The following HSBP1L1 variants were observed in gnomAD, a reference collection of about 807,000 sequenced individuals.
HSBP1L1 encodes the protein heat shock factor-binding protein 1-like protein 1.
A neutral mutation model predicts 9.7 loss-of-function variants in HSBP1L1; 8 were observed. The ratio of observed to expected loss-of-function variants is 0.82; its 90% CI spans 0.48 to 1.48. HSBP1L1 has a LOEUF of 1.48. Among genes scored for constraint, HSBP1L1 ranks in the 40% most tolerant of loss-of-function variants. HSBP1L1 has a pLI of 0.00. For synonymous variants in HSBP1L1, 39 were observed against 34.4 expected (o/e 1.13, Z -0.46); for missense variants, 106 against 95.8 (o/e 1.11, Z -0.44).
At chr18:79,969,076 C>A in intron 3 of HSBP1L1, among the ~76,000 whole-genome samples, 1 of 149,294 alleles carries the variant, frequency 6.7e-6, no homozygotes, top group Non-Finnish European at 1.5e-5. Context: ...GTGGTCCCAG[C>A]TACTTGGGAG....
chr18:79,967,088 C>CAGT (rs2051261429), intron 2 of HSBP1L1: 1 of 148,584 alleles, frequency 6.7e-6, no homozygotes, highest in Non-Finnish European at 1.5e-5. Context: ...GTGGAGCTTG[C>CAGT]AGTGAGCCGA....
At chr18:79,966,511 C>A in intron 1 of HSBP1L1, 101 bp from the exon 2 acceptor site, 1 of 822,588 alleles carries the variant, frequency 1.2e-6, no homozygotes, top group Non-Finnish European at 2.0e-6. Flanking sequence ...CCATTGCACT[C>A]CAGCCTGGGC....
chr18:79,965,366 A>G lies in HSBP1L1; in HGVS notation c.51+580A>G, dbSNP rs57333397. On this transcript the variant is annotated intron_variant, in intron 1 of 3. Coordinates refer to ENST00000451882, the MANE Select transcript of HSBP1L1 (RefSeq NM_001136180.2). ...CTAACGTAAATTTCCTGACAAAGGT[A>G]GAAAGCCCTGGCATGGTTCAGAGGT... Among the ~76,000 whole-genome samples, 1,077 of 152,280 alleles carry G rather than the reference A, an allele frequency of 7.1e-3. 14 individuals carry two copies. Among genetic ancestry groups the G allele is most frequent in the African/African-American group, 0.025 (1,023 of 41,550 alleles).
chr18:79,967,879 ACGTTTTCTAAGCTC>A (rs2051265471), intron 2 of HSBP1L1, 196 bp from the exon 3 acceptor site: 2 of 439,230 alleles, frequency 4.6e-6, no homozygotes, highest in Non-Finnish European at 8.0e-6. Flanking sequence ...AAGGGGAGCC[ACGTTTTCTAAGCTC>A]ACAGTTTAAA....
At chr18:79,966,790 C>A in intron 2 of HSBP1L1, 112 bp downstream of exon 2, 1 of 795,400 alleles carries the variant, frequency 1.3e-6, no homozygotes, top group Non-Finnish European at 2.1e-6. Flanking sequence ...TAGGATTTCC[C>A]AGTATTTACT....
At position 79,966,644 on chromosome 18, in the gene HSBP1L1, T is replaced by C; in HGVS notation, c.84T>C (p.His28=). 1 of 1,550,810 alleles carries C rather than the reference T, an allele frequency of 6.4e-7. No homozygotes were observed. The highest frequency in any genetic ancestry group is 1.2e-5 in the South Asian group (1 of 83,962). The change falls in exon 2 of 4, where the codon CAT becomes CAC. Residue 28 remains histidine, a synonymous_variant. Coordinates refer to ENST00000451882, the MANE Select transcript of HSBP1L1 (RefSeq NM_001136180.2). ...AENLFQELQE[H]FQALTATLNL... Reference sequence around the variant, plus strand: ...ATCTATTTCAGGAACTTCAGGAACATTTTCAAGCTCTGACGGCAACATTAA... The same window carrying C: ...ATCTATTTCAGGAACTTCAGGAACACTTTCAAGCTCTGACGGCAACATTAA...
In HSBP1L1 at chr18:79,968,151, G is replaced by T; in HGVS notation, c.181G>T (p.Ala61Ser). The change falls in exon 3 of 4, where the codon GCT becomes TCT. Residue 61 changes from alanine (A) to serine (S), a missense_variant. Physicochemically the swap from Ala to Ser is moderately conservative, Grantham distance 99 (BLOSUM62 1). Coordinates refer to ENST00000451882, the MANE Select transcript of HSBP1L1 (RefSeq NM_001136180.2). ...GAATGTCAAGGACTTAATGGTGCAA[G>T]CTGGCATTGAAAATTCTATTAAAGA... ...QKNVKDLMVQ[A>S]GIENSIKEQM... 6 of 1,547,774 alleles carry T rather than the reference G, an allele frequency of 3.9e-6. No individual in the cohort carries two copies. Among genetic ancestry groups the T allele is most frequent in the Non-Finnish European group, 5.2e-6 (6 of 1,144,482 alleles).
chr18:79,965,559 G>A (rs931999417), intron 1 of HSBP1L1, among the ~76,000 whole-genome samples: 1 of 152,196 alleles, frequency 6.6e-6, no homozygotes, highest in Non-Finnish European at 1.5e-5. Context: ...CGTGAATGGT[G>A]TGGGACGTCA....
Position 79,969,271 on chromosome 18 carries a change from G to A in HSBP1L1, c.213+1088G>A, listed in dbSNP as rs1373907963. On this transcript the variant is annotated intron_variant, in intron 3 of 3. Transcript: ENST00000451882. ...AGAGGAGAGAGAGAGAGGGAGGGAGGGAGGGAGGGAGGGAGGGAGGGAGGG... is the reference window on the plus strand; with the variant it reads ...AGAGGAGAGAGAGAGAGGGAGGGAGAGAGGGAGGGAGGGAGGGAGGGAGGG... Among the ~76,000 whole-genome samples the A allele has an allele frequency of 1.1e-3, 25 of 22,994 alleles. 2 individuals are homozygous for A. Among genetic ancestry groups the A allele is most frequent in the African/African-American group, 2.7e-3 (21 of 7,840 alleles). The allele number at this position is 22,994 out of a possible 152,430, so 15.1% of individuals were successfully genotyped here.
chr18:79,969,384 AAAGAAAG>A lies in HSBP1L1; in HGVS notation c.214-1053_214-1047del, dbSNP rs1300006929. 2.6e-3 allele frequency among the ~76,000 whole-genome samples: 151 copies of A among 59,214 alleles called. 6 individuals carry two copies. Among genetic ancestry groups the A allele is most frequent in the African/African-American group, 6.0e-3 (127 of 21,302 alleles). The allele number at this position is 59,214 out of a possible 152,430, so 38.8% of individuals were successfully genotyped here. A position where few individuals can be genotyped will look rare whatever the true frequency, so the allele number is the denominator to read the frequency against. On this transcript the variant is annotated intron_variant, in intron 3 of 3. Transcript: ENST00000451882. ...GAAAGAAAGAAAGAAAGAAAGAAAGAAAGAAAGAAAAAAAAACGATGCAGAATAGCGC... is the reference window on the plus strand; with the variant it reads ...GAAAGAAAGAAAGAAAGAAAGAAAGAAAAAAAAAACGATGCAGAATAGCGC...
intron 1 of HSBP1L1, 107 bp from the exon 2 acceptor site, chr18:79,966,505 T>G: frequency 1.3e-6 from 1 of 740,788 alleles, no homozygotes. Context: ...ATCGCGCCAT[T>G]GCACTCCAGC....
At position 79,969,040 on chromosome 18, in the gene HSBP1L1, AT is replaced by A. The variant is rs1204666369; in HGVS notation, c.213+858del. 2.8e-3 allele frequency among the ~76,000 whole-genome samples: 397 copies of A among 143,906 alleles called. 2 individuals carry two copies. The highest frequency in any genetic ancestry group is 9.7e-3 in the African/African-American group (376 of 38,822). 94.4% of individuals were successfully genotyped at this position (143,906 alleles called of 152,430 possible). A position where few individuals can be genotyped will look rare whatever the true frequency, so the allele number is the denominator to read the frequency against. On this transcript the variant is annotated intron_variant, in intron 3 of 3. Transcript: ENST00000451882. ...CTAAAAATACAAAAAAAAAAAAAAA[AT>A]AGCCGGGTGTGGTGGCGGGCGCCTG...
rs1568356436 is a variant in HSBP1L1, at chr18:79,969,281, AGGGAGG to A, written c.213+1100_213+1105del. On this transcript the variant is annotated intron_variant, in intron 3 of 3. Coordinates refer to ENST00000451882, the MANE Select transcript of HSBP1L1 (RefSeq NM_001136180.2). ...GAGAGAGGGAGGGAGGGAGGGAGGG[AGGGAGG>A]GAGGGAGGGAGAGAGAGAGAGAAAG... 5.0e-3 allele frequency among the ~76,000 whole-genome samples: 106 copies of A among 21,384 alleles called. 8 individuals carry two copies. The highest frequency in any genetic ancestry group is 0.013 in the African/African-American group (101 of 7,770). The allele number at this position is 21,384 out of a possible 152,430, so 14.0% of individuals were successfully genotyped here.
At chr18:79,968,042 C>G in intron 2 of HSBP1L1, 47 bp from the exon 3 acceptor site, 1 of 1,204,932 alleles carries the variant, frequency 8.3e-7, no homozygotes, top group Non-Finnish European at 1.2e-6. Flanking sequence ...GGCTGTGCCT[C>G]GGCGGCTCTG....
intron 2 of HSBP1L1, 178 bp downstream of exon 2, chr18:79,966,856 G>C: frequency 1.8e-6 from 1 of 548,490 alleles, no homozygotes; most frequent in East Asian, 3.2e-5. Flanking sequence ...TATAGCAAAA[G>C]CTGTACCTCC....
In HSBP1L1 at chr18:79,970,518, G is replaced by A; in HGVS notation, c.*67G>A. 1 of 717,778 alleles carries A rather than the reference G, an allele frequency of 1.4e-6. No individual in the cohort carries two copies. The highest frequency in any genetic ancestry group is 2.6e-6 in the Non-Finnish European group (1 of 384,512). The allele number at this position is 717,778 out of a possible 1,614,324, so 44.5% of individuals were successfully genotyped here. A position where few individuals can be genotyped will look rare whatever the true frequency, so the allele number is the denominator to read the frequency against. On this transcript the variant is annotated 3_prime_UTR_variant, in exon 4 of 4. Coordinates refer to ENST00000451882, the MANE Select transcript of HSBP1L1 (RefSeq NM_001136180.2). ...TCATTAAGGTTACATCGGTCCTGAG[G>A]GTGGGGCCCTCATCCAACAGGATTC...
chr18:79,967,778 AAG>A (rs2051265167), intron 2 of HSBP1L1: 1 of 231,138 alleles, frequency 4.3e-6, no homozygotes, highest in Admixed American at 5.2e-5. Context: ...ACAAACAAAA[AAG>A]AGTTAATTCC....
chr18:79,965,683 C>T (rs79685532), intron 1 of HSBP1L1, among the ~76,000 whole-genome samples: 6,352 of 152,276 alleles, frequency 0.042, 231 homozygotes, highest in Non-Finnish European at 0.056. Context: ...CGCAGGGTCA[C>T]GAGATTTTCT....
chr18:79,965,021 G>A (rs2051249800), intron 1 of HSBP1L1, among the ~76,000 whole-genome samples: 1 of 138,574 alleles, frequency 7.2e-6, no homozygotes, highest in Non-Finnish European at 1.6e-5. Context: ...GGGACCCTGC[G>A]GTCCTGGGGG....
Sources: gnomAD v4.1 joint callset for allele counts (sites outside exome capture counted in the v4.1 genomes callset) on GRCh38, gnomAD v4.1.1 for gene constraint, MANE v1.5 for transcripts, NCBI Gene and HGNC (gene_info 2026-07-23, HGNC 2026-07-21) for gene names.